The following LRRTM4 variants were observed in gnomAD, a reference collection of about 807,000 sequenced individuals.
The protein encoded by LRRTM4 is leucine-rich repeat transmembrane neuronal protein 4.
A neutral mutation model predicts 47.6 loss-of-function variants in LRRTM4; 25 were observed. That is an observed-to-expected ratio of 0.53 (90% CI 0.38 to 0.73). The LOEUF (loss-of-function observed/expected upper bound fraction) is 0.73. Among genes scored for constraint, LRRTM4 ranks in the 30% least tolerant of loss-of-function variants. The pLI, the probability that LRRTM4 is intolerant of heterozygous loss-of-function variation, is 0.00. For missense variants in LRRTM4, 638 were observed against 713.4 expected (o/e 0.89, Z 1.20); for synonymous variants, 311 against 269.5 (o/e 1.15, Z -1.51).
intron 3 of LRRTM4, among the ~76,000 whole-genome samples, chr2:76,933,898 G>A (rs1674855066): frequency 6.6e-6 from 1 of 152,072 alleles, no homozygotes; most frequent in South Asian, 2.1e-4. Flanking sequence ...AAATTTACAT[G>A]CTTTCCTTCC....
At chr2:77,178,579 C>G (rs1411646747) in intron 3 of LRRTM4, among the ~76,000 whole-genome samples, 1 of 152,010 alleles carries the variant, frequency 6.6e-6, no homozygotes, top group Non-Finnish European at 1.5e-5. Flanking sequence ...GAGTGAGACT[C>G]CATCTCAAAA....
Position 76,874,779 on chromosome 2 carries a change from G to A in LRRTM4, c.1552-125863C>T, listed in dbSNP as rs1319056668. ...TTCAGGCTCTTGATACTAGACCCTGGCTATTTTTTTGGAGAGATCAGTGAT... is the reference window on the plus strand; with the variant it reads ...TTCAGGCTCTTGATACTAGACCCTGACTATTTTTTTGGAGAGATCAGTGAT... On this transcript the variant is annotated intron_variant, in intron 3 of 3. Coordinates refer to ENST00000409884, the MANE Select transcript of LRRTM4 (RefSeq NM_001134745.3). Among the ~76,000 whole-genome samples the A allele has an allele frequency of 3.3e-5, 5 of 151,882 alleles. No homozygotes were observed. The East Asian group carries it at 7.7e-4, about 24-fold the overall frequency.
chr2:77,400,204 T>C (rs1467754566), intron 3 of LRRTM4, among the ~76,000 whole-genome samples: 1 of 151,714 alleles, frequency 6.6e-6, no homozygotes, highest in African/African-American at 2.4e-5. Flanking sequence ...GGTAACATGA[T>C]ACCGTATTCT....
At chr2:77,087,118 A>G (rs1312137558) in intron 3 of LRRTM4, among the ~76,000 whole-genome samples, 1 of 152,216 alleles carries the variant, frequency 6.6e-6, no homozygotes, top group Non-Finnish European at 1.5e-5. Context: ...TGAAGCAAGA[A>G]GCTTGTTTGT....
At chr2:77,430,918 A>T (rs1437347237) in intron 3 of LRRTM4, among the ~76,000 whole-genome samples, 1 of 148,248 alleles carries the variant, frequency 6.7e-6, no homozygotes, top group South Asian at 2.1e-4. Context: ...ATAAAAAAAA[A>T]GTCAGAGGAA....
At chr2:76,943,773 C>T (rs76380616) in intron 3 of LRRTM4, among the ~76,000 whole-genome samples, 8,023 of 152,236 alleles carry the variant, frequency 0.053, 481 homozygotes, top group East Asian at 0.14. Flanking sequence ...GAATTATTAG[C>T]ATGTAATCCA....
intron 3 of LRRTM4, among the ~76,000 whole-genome samples, chr2:77,115,971 C>T (rs143500574): frequency 1.3e-5 from 2 of 152,142 alleles, no homozygotes; most frequent in Admixed American, 6.6e-5. Context: ...ACTTCCTGAA[C>T]CTTGTCTGCT....
intron 3 of LRRTM4, among the ~76,000 whole-genome samples, chr2:76,852,747 T>C (rs776669062): frequency 1.3e-5 from 2 of 152,134 alleles, no homozygotes; most frequent in South Asian, 4.1e-4. Context: ...GAGTGAGATA[T>C]ACAAACACTC....
At chr2:77,415,563 T>G (rs1461198375) in intron 3 of LRRTM4, among the ~76,000 whole-genome samples, 1 of 152,200 alleles carries the variant, frequency 6.6e-6, no homozygotes, top group Non-Finnish European at 1.5e-5. Context: ...TGGAAACTTT[T>G]GCACATACTG....
rs2103707399 is a variant in LRRTM4, at chr2:76,789,931, C to T, written c.1552-41015G>A. On this transcript the variant is annotated intron_variant, in intron 3 of 3. Transcript: ENST00000409884. ...CTATTTCACTTTTAGATGGGTTGGT[C>T]CTGTCTTGCAGTCCCCAGGACAACG... 2.6e-5 allele frequency among the ~76,000 whole-genome samples: 4 copies of T among 152,236 alleles called. No homozygotes were observed. In the Middle Eastern group the frequency reaches 0.01, roughly 388 times the overall value.
chr2:77,042,015 C>T (rs55695843), intron 3 of LRRTM4, among the ~76,000 whole-genome samples: 16,724 of 151,014 alleles, frequency 0.11, 1,165 homozygotes, highest in Non-Finnish European at 0.16. Flanking sequence ...AACAAATAAA[C>T]ATAACAACCG....
chr2:77,362,960 T>C (rs1436916907), intron 3 of LRRTM4, among the ~76,000 whole-genome samples: 5 of 152,192 alleles, frequency 3.3e-5, no homozygotes, highest in Non-Finnish European at 7.3e-5. Context: ...ATTTTATGTA[T>C]TTAACCATGA....
chr2:77,168,867 A>G (rs1231754994), intron 3 of LRRTM4, among the ~76,000 whole-genome samples: 1 of 152,188 alleles, frequency 6.6e-6, no homozygotes, highest in Non-Finnish European at 1.5e-5. Context: ...TCTGCAAAAG[A>G]TAATACTCCA....
At position 77,480,839 on chromosome 2, in the gene LRRTM4, GAGAGAGA is replaced by G. The variant is rs1181511620; in HGVS notation, c.1551+37472_1551+37478del. Among the ~76,000 whole-genome samples the G allele has an allele frequency of 6.3e-3, 257 of 40,948 alleles. 1 individual carries two copies. The highest frequency in any genetic ancestry group is 0.017 in the African/African-American group (242 of 13,944). 26.9% of individuals were successfully genotyped at this position (40,948 alleles called of 152,430 possible). ...GTGTGTGTGGAGAGAGAGAGAGAGA[GAGAGAGA>G]GAGAGAGAGAGAGAGAGAGAAATAG... On this transcript the variant is annotated intron_variant, in intron 3 of 3. Coordinates refer to ENST00000409884, the MANE Select transcript of LRRTM4 (RefSeq NM_001134745.3).
intron 3 of LRRTM4, among the ~76,000 whole-genome samples, chr2:76,867,554 C>T (rs1320239021): frequency 6.6e-6 from 1 of 152,132 alleles, no homozygotes; most frequent in Non-Finnish European, 1.5e-5. Context: ...AAGTTAGCTG[C>T]TATAATAAAT....
chr2:76,934,418 A>C (rs1013972854), intron 3 of LRRTM4, among the ~76,000 whole-genome samples: 5 of 152,176 alleles, frequency 3.3e-5, no homozygotes, highest in Non-Finnish European at 7.3e-5. Context: ...GGGACATAAC[A>C]ACTAAAATTT....
intron 3 of LRRTM4, among the ~76,000 whole-genome samples, chr2:77,008,790 G>T (rs929303896): frequency 7.9e-5 from 12 of 151,970 alleles, no homozygotes; most frequent in African/African-American, 2.9e-4. Flanking sequence ...AGGCCTGAAG[G>T]CATGACGAGG....
chr2:77,207,579 T>C (rs1674171641), intron 3 of LRRTM4, among the ~76,000 whole-genome samples: 1 of 151,556 alleles, frequency 6.6e-6, no homozygotes, highest in African/African-American at 2.4e-5. Flanking sequence ...TGGCCATTTG[T>C]TATAAATTCA....
chr2:76,763,497 C>CT (rs1290808875), intron 3 of LRRTM4, among the ~76,000 whole-genome samples: 3 of 152,210 alleles, frequency 2.0e-5, no homozygotes, highest in Non-Finnish European at 2.9e-5. Flanking sequence ...AGAGTGAAAC[C>CT]TACCTTAATA....
Sources: gnomAD v4.1 joint callset for allele counts (sites outside exome capture counted in the v4.1 genomes callset) on GRCh38, gnomAD v4.1.1 for gene constraint, MANE v1.5 for transcripts, NCBI Gene and HGNC (gene_info 2026-07-23, HGNC 2026-07-21) for gene names.